RGS17: variants seen among roughly 807,000 people sequenced by gnomAD.
RGS17 encodes regulator of G protein signaling 17.
Under a neutral mutation model 25.5 loss-of-function variants are expected in RGS17, and 12 were observed. The observed-to-expected ratio is 0.47, with a 90% CI of 0.30 to 0.76. The LOEUF is 0.76. Ranked by LOEUF, RGS17 falls within the 30% of genes least tolerant of loss-of-function variation. The pLI is 0.07. For synonymous variants in RGS17, 71 were observed against 76.9 expected (o/e 0.92, Z 0.40); for missense variants, 196 against 242.2 (o/e 0.81, Z 1.27).
intron 1 of RGS17, among the ~76,000 whole-genome samples, chr6:153,118,447 GA>G (rs991483757): frequency 6.6e-6 from 1 of 152,150 alleles, no homozygotes; most frequent in African/African-American, 2.4e-5. Flanking sequence ...TTAGTGCCAG[GA>G]AACAAAAATT....
intron 2 of RGS17, among the ~76,000 whole-genome samples, chr6:153,032,800 C>G (rs199615312): frequency 2.7e-5 from 1 of 36,586 alleles, no homozygotes; most frequent in South Asian, 1.3e-3. Context: ...TTTGGGAATA[C>G]TTTAGTCTTA....
chr6:153,059,103 C>T (rs1467324461), intron 1 of RGS17, among the ~76,000 whole-genome samples: 1 of 151,988 alleles, frequency 6.6e-6, no homozygotes, highest in East Asian at 1.9e-4. Context: ...ACTGAAATGT[C>T]ACTTGATGGT....
At chr6:153,115,095 GA>G (rs1217608850) in intron 1 of RGS17, among the ~76,000 whole-genome samples, 2 of 151,854 alleles carry the variant, frequency 1.3e-5, no homozygotes, top group South Asian at 2.1e-4. Context: ...CCAGGCAAGA[GA>G]AAAAAAATAA....
At chr6:153,047,085 T>C (rs1375886112) in intron 1 of RGS17, among the ~76,000 whole-genome samples, 1 of 152,168 alleles carries the variant, frequency 6.6e-6, no homozygotes, top group Non-Finnish European at 1.5e-5. Context: ...GTGTTCCAAG[T>C]GCTGAGGGAT....
intron 1 of RGS17, among the ~76,000 whole-genome samples, chr6:153,078,526 AG>A (rs1434924595): frequency 6.6e-6 from 1 of 152,006 alleles, no homozygotes; most frequent in Non-Finnish European, 1.5e-5. Context: ...AAAATACAAT[AG>A]GGTTTATAAT....
intron 1 of RGS17, among the ~76,000 whole-genome samples, chr6:153,088,050 AT>A (rs1777075919): frequency 6.6e-6 from 1 of 152,040 alleles, no homozygotes; most frequent in African/African-American, 2.4e-5. Flanking sequence ...TCACTTTGTC[AT>A]TTCATGCCAG....
chr6:153,071,087 GTA>G lies in RGS17; in HGVS notation c.-25-27046_-25-27045del, dbSNP rs527333134. ...TGTACATATACGTATATGTACACATGTATATATACACACTCATATATATCTTA... is the reference window on the plus strand; with the variant it reads ...TGTACATATACGTATATGTACACATGTATATACACACTCATATATATCTTA... On this transcript the variant is annotated intron_variant, in intron 1 of 4. Transcript: ENST00000206262. Among the ~76,000 whole-genome samples, 15 of 149,130 alleles carry G rather than the reference GTA, an allele frequency of 1.0e-4. No individual in the cohort carries two copies. The South Asian group carries it at 2.5e-3, about 25-fold the overall frequency.
intron 1 of RGS17, among the ~76,000 whole-genome samples, chr6:153,094,669 G>A (rs143220442): frequency 5.4e-4 from 82 of 152,150 alleles, no homozygotes; most frequent in African/African-American, 1.8e-3. Flanking sequence ...AGATACTCTC[G>A]ATATGTCAGT....
intron 4 of RGS17, chr6:153,023,288 A>G: frequency 2.3e-6 from 1 of 437,010 alleles, no homozygotes; most frequent in South Asian, 1.7e-5. Context: ...TGCACAAGAG[A>G]GGGGCATGCC....
chr6:153,069,505 GA>G (rs1554239799), intron 1 of RGS17, among the ~76,000 whole-genome samples: 1 of 151,262 alleles, frequency 6.6e-6, no homozygotes, highest in South Asian at 2.1e-4. Flanking sequence ...ATAATGGGTG[GA>G]AAAAAAATAG....
chr6:153,055,594 G>A (rs1019163828), intron 1 of RGS17, among the ~76,000 whole-genome samples: 1 of 152,120 alleles, frequency 6.6e-6, no homozygotes, highest in South Asian at 2.1e-4. Context: ...AGGATGGAAA[G>A]TGTTTTACAG....
At chr6:153,053,452 A>G (rs1776489252) in intron 1 of RGS17, among the ~76,000 whole-genome samples, 1 of 152,180 alleles carries the variant, frequency 6.6e-6, no homozygotes, top group South Asian at 2.1e-4. Flanking sequence ...TTCAACTTTA[A>G]TCATTTCTTT....
chr6:153,090,676 A>G (rs1453956351), intron 1 of RGS17, among the ~76,000 whole-genome samples: 2 of 152,076 alleles, frequency 1.3e-5, no homozygotes, highest in African/African-American at 2.4e-5. Context: ...TAAGATTGAA[A>G]TTGTGCACTG....
intron 1 of RGS17, among the ~76,000 whole-genome samples, chr6:153,063,246 G>C (rs992268421): frequency 6.6e-6 from 1 of 152,098 alleles, no homozygotes; most frequent in Admixed American, 6.5e-5. Context: ...AGCCACCAAG[G>C]ATTAATCTTG....
rs781219982 is a variant in RGS17, at chr6:153,024,324, C to A, written c.382G>T (p.Val128Leu). The A allele has an allele frequency of 1.2e-6, 2 of 1,614,038 alleles. No individual in the cohort carries two copies. Among genetic ancestry groups the A allele is most frequent in the East Asian group, 2.2e-5 (1 of 44,878 alleles). ...ATCATCCTAGCCTTTTCTTCAATTA[C>A]TTTTTTGTTCTGCTCCTTCTTTAAG... ...EDLKKEQNKK[V>L]IEEKARMIYE... Residue 128 changes from valine to leucine, a missense_variant, in exon 4 of 5, where the codon GTA (valine) becomes TTA (leucine). This residue lies in a region of RGS17 where 179 missense variants were observed against 197.6 expected (regional missense o/e 0.91). Coordinates refer to ENST00000206262, the MANE Select transcript of RGS17 (RefSeq NM_012419.5).
In RGS17 at chr6:153,123,878, T is replaced by A. The variant is rs185300207; in HGVS notation, c.-26+7246A>T. 7.9e-5 allele frequency among the ~76,000 whole-genome samples: 12 copies of A among 152,310 alleles called. No individual in the cohort carries two copies. In the East Asian group the frequency reaches 1.9e-3, roughly 24 times the overall value. Reference sequence around the variant, plus strand: ...ACAAGTGAGAGGGGAAAAGGCATAGTACAGATGTATGTACACATTTTCTTT... The same window carrying A: ...ACAAGTGAGAGGGGAAAAGGCATAGAACAGATGTATGTACACATTTTCTTT... On this transcript the variant is annotated intron_variant, in intron 1 of 4. Transcript: ENST00000206262.
Position 153,043,965 on chromosome 6 carries a change from A to T in RGS17, c.54T>A (p.Ala18=), listed in dbSNP as rs2295230. 5.4e-4 allele frequency: 863 copies of T among 1,612,610 alleles called. 13 individuals carry two copies. In the South Asian group the frequency reaches 8.5e-3, roughly 16 times the overall value. Residue 18 remains alanine (A), a synonymous_variant, in exon 2 of 5, where the codon GCT becomes GCA. Coordinates refer to ENST00000206262, the MANE Select transcript of RGS17 (RefSeq NM_012419.5). Reference sequence around the variant, plus strand: ...TGTTGTTGGGCCTCTGGTTTCCAGGAGCTTGAGACACGGCAGGTGTTCCTT... The same window carrying T: ...TGTTGTTGGGCCTCTGGTTTCCAGGTGCTTGAGACACGGCAGGTGTTCCTT... ...QNEGTPAVSQ[A]PGNQRPNNTC...
intron 1 of RGS17, among the ~76,000 whole-genome samples, chr6:153,068,035 G>A (rs1776733883): frequency 6.6e-6 from 1 of 152,058 alleles, no homozygotes; most frequent in African/African-American, 2.4e-5. Context: ...TTTGACAAAG[G>A]TACCAAGAAC....
intron 1 of RGS17, among the ~76,000 whole-genome samples, chr6:153,049,920 C>T (rs1324227283): frequency 6.6e-6 from 1 of 151,984 alleles, no homozygotes; most frequent in African/African-American, 2.4e-5. Context: ...ATATAGAAGT[C>T]ATAATAATTA....
Sources: allele counts gnomAD v4.1 joint callset (sites outside exome capture counted in the v4.1 genomes callset), GRCh38; gene constraint gnomAD v4.1.1; regional missense constraint gnomAD v4.1.1; transcripts MANE v1.5; gene names NCBI Gene and HGNC (gene_info 2026-07-23, HGNC 2026-07-21).